The following COLEC12 variants were observed in gnomAD, a reference collection of about 807,000 sequenced individuals.
The protein encoded by COLEC12 is collectin-12.
In COLEC12, 33 loss-of-function variants were observed where a neutral mutation model predicts 71.1. The ratio of observed to expected loss-of-function variants is 0.46; its 90% CI spans 0.35 to 0.62. The LOEUF (loss-of-function observed/expected upper bound fraction) is 0.62. Ranked by LOEUF, COLEC12 falls within the 20% of genes least tolerant of loss-of-function variation. The pLI is 0.00. For synonymous variants in COLEC12, 350 were observed against 353.0 expected (o/e 0.99, Z 0.10); for missense variants, 765 against 916.1 (o/e 0.84, Z 2.13).
chr18:490,772 T>C (rs777754219), intron 1 of COLEC12, among the ~76,000 whole-genome samples: 2 of 152,184 alleles, frequency 1.3e-5, no homozygotes, highest in African/African-American at 2.4e-5. Flanking sequence ...CCTTCAATAC[T>C]TGACACAAAG....
intron 1 of COLEC12, among the ~76,000 whole-genome samples, chr18:495,881 T>C (rs948930893): frequency 1.3e-5 from 2 of 152,194 alleles, no homozygotes; most frequent in Non-Finnish European, 2.9e-5. Context: ...CTTAGACAAG[T>C]AACACAACCT....
At chr18:473,866 C>A (rs1206186924) in intron 2 of COLEC12, among the ~76,000 whole-genome samples, 1 of 152,022 alleles carries the variant, frequency 6.6e-6, no homozygotes, top group Non-Finnish European at 1.5e-5. Context: ...AAACAAACCA[C>A]ATTCAGTTTC....
intron 2 of COLEC12, among the ~76,000 whole-genome samples, chr18:426,147 A>C (rs1405556616): frequency 2.6e-5 from 4 of 152,260 alleles, no homozygotes; most frequent in Non-Finnish European, 5.9e-5. Context: ...TACTATTTGT[A>C]AAATGCATCA....
intron 2 of COLEC12, among the ~76,000 whole-genome samples, chr18:440,825 T>A (rs931540240): frequency 1.4e-4 from 21 of 152,218 alleles, no homozygotes; most frequent in Non-Finnish European, 4.4e-5. Context: ...ACAGATTTTG[T>A]CAGCCCCATC....
At chr18:422,034 G>A (rs1399461659) in intron 2 of COLEC12, among the ~76,000 whole-genome samples, 1 of 152,146 alleles carries the variant, frequency 6.6e-6, no homozygotes, top group Non-Finnish European at 1.5e-5. Context: ...GCCTTCAGAT[G>A]GTCCAGCAAG....
At chr18:381,178 A>G (rs1915224563) in intron 2 of COLEC12, among the ~76,000 whole-genome samples, 1 of 152,186 alleles carries the variant, frequency 6.6e-6, no homozygotes, top group African/African-American at 2.4e-5. Flanking sequence ...AGAAATGGCT[A>G]TTTACATAGG....
chr18:453,503 G>A (rs28707458), intron 2 of COLEC12, among the ~76,000 whole-genome samples: 17,559 of 152,102 alleles, frequency 0.12, 1,383 homozygotes, highest in East Asian at 0.37. Context: ...GGTTGGGAGT[G>A]AGGGAACCAG....
chr18:476,664 C>T (rs1388474455), intron 2 of COLEC12, among the ~76,000 whole-genome samples: 1 of 152,222 alleles, frequency 6.6e-6, no homozygotes, highest in Non-Finnish European at 1.5e-5. Flanking sequence ...CCTCTCTTTC[C>T]CTTTCTGCTA....
At chr18:417,554 A>AT (rs11432960) in intron 2 of COLEC12, among the ~76,000 whole-genome samples, 3,091 of 152,214 alleles carry the variant, frequency 0.02, 123 homozygotes, top group African/African-American at 0.071. Flanking sequence ...CATCATCAAC[A>AT]TGCCTGTCTA....
intron 2 of COLEC12, among the ~76,000 whole-genome samples, chr18:468,762 G>A (rs1306201956): frequency 1.3e-5 from 2 of 152,128 alleles, no homozygotes; most frequent in Non-Finnish European, 2.9e-5. Flanking sequence ...GTTATCCCTC[G>A]TTCCATAACA....
intron 2 of COLEC12, among the ~76,000 whole-genome samples, chr18:383,977 C>G (rs1229639399): frequency 6.6e-6 from 1 of 152,120 alleles, no homozygotes; most frequent in African/African-American, 2.4e-5. Flanking sequence ...TTTCATGAGA[C>G]TTATTCATTT....
At chr18:472,301 C>G (rs1034772902) in intron 2 of COLEC12, among the ~76,000 whole-genome samples, 10 of 152,162 alleles carry the variant, frequency 6.6e-5, no homozygotes, top group Non-Finnish European at 1.3e-4. Context: ...TGCTCCAACC[C>G]CTCAGTATGC....
intron 2 of COLEC12, among the ~76,000 whole-genome samples, chr18:379,680 T>G (rs1334599170): frequency 6.6e-6 from 1 of 152,100 alleles, no homozygotes; most frequent in Non-Finnish European, 1.5e-5. Flanking sequence ...ACAAGTGATT[T>G]AGAGTAAAGT....
intron 1 of COLEC12, among the ~76,000 whole-genome samples, chr18:483,370 C>G (rs1015342109): frequency 6.6e-6 from 1 of 150,570 alleles, no homozygotes; most frequent in African/African-American, 2.4e-5. Flanking sequence ...TACACTCCAG[C>G]CTGAGCGACA....
chr18:490,772 T>G (rs777754219), intron 1 of COLEC12, among the ~76,000 whole-genome samples: 1 of 152,184 alleles, frequency 6.6e-6, no homozygotes, highest in Non-Finnish European at 1.5e-5. Context: ...CCTTCAATAC[T>G]TGACACAAAG....
chr18:493,446 ATAATG>A (rs1285958612), intron 1 of COLEC12, among the ~76,000 whole-genome samples: 6 of 152,236 alleles, frequency 3.9e-5, no homozygotes, highest in African/African-American at 1.4e-4. Context: ...GATATGAAAT[ATAATG>A]TAATCTGAAA....
Position 437,285 on chromosome 18 carries a change from C to T in COLEC12, c.58+43422G>A, listed in dbSNP as rs1356306650. 2.0e-5 allele frequency among the ~76,000 whole-genome samples: 3 copies of T among 152,176 alleles called. 1 individual carries two copies. In the East Asian group the frequency reaches 5.8e-4, roughly 29 times the overall value. On this transcript the variant is annotated intron_variant, in intron 2 of 9. Transcript: ENST00000400256. ...AAAGACCGAGAAAGAACATCTGGGA[C>T]GCTGGGCCACCAGGCACATGTTCAC...
At chr18:434,526 C>G (rs1224771721) in intron 2 of COLEC12, among the ~76,000 whole-genome samples, 1 of 152,180 alleles carries the variant, frequency 6.6e-6, no homozygotes, top group East Asian at 1.9e-4. Context: ...CACATCTGGC[C>G]CATTCTTCCT....
intron 2 of COLEC12, among the ~76,000 whole-genome samples, chr18:479,276 C>T (rs182179400): frequency 1.4e-4 from 22 of 151,922 alleles, no homozygotes; most frequent in Middle Eastern, 6.8e-3. Flanking sequence ...AACAGGAGCA[C>T]GGAGGAGGGG....
Sources: allele counts gnomAD v4.1 joint callset (sites outside exome capture counted in the v4.1 genomes callset), GRCh38; gene constraint gnomAD v4.1.1; transcripts MANE v1.5; gene names NCBI Gene and HGNC (gene_info 2026-07-23, HGNC 2026-07-21).